Variants in CERS4 observed in about 807,000 individuals in gnomAD.
The protein encoded by CERS4 is LAG1 homolog, ceramide synthase 4.
CERS4 carries 65 observed loss-of-function variants against 51.8 expected under a neutral mutation model. The ratio of observed to expected loss-of-function variants is 1.26; its 90% CI spans 1.03 to 1.54. The LOEUF is 1.54. CERS4 is among the 40% of genes most tolerant of loss of function. The probability of loss-of-function intolerance (pLI) is 0.00; values close to 1 mark genes in which losing one functional copy is unlikely to be tolerated. For synonymous variants in CERS4, 228 were observed against 208.4 expected (o/e 1.09, Z -0.81); for missense variants, 563 against 500.4 (o/e 1.13, Z -1.19).
chr19:8,243,648 T>G, intron 2 of CERS4, among the ~76,000 whole-genome samples: 1 of 2,186 alleles, frequency 4.6e-4, no homozygotes, highest in South Asian at 0.045. Flanking sequence ...AGTCTCTTCC[T>G]TTTTTTTTTT....
chr19:8,246,844 T>C (rs573046067), intron 2 of CERS4, among the ~76,000 whole-genome samples: 1 of 152,142 alleles, frequency 6.6e-6, no homozygotes, highest in South Asian at 2.1e-4. Flanking sequence ...TTTCAACTTT[T>C]GTGTAGGTTT....
chr19:8,226,394 T>C (rs1967788803), intron 2 of CERS4, among the ~76,000 whole-genome samples: 1 of 152,152 alleles, frequency 6.6e-6, no homozygotes, highest in South Asian at 2.1e-4. Context: ...CAGAACAGTC[T>C]GGCTTTGCAC....
In CERS4 at chr19:8,257,093, G is replaced by T; in HGVS notation, c.741+16G>T. The T allele has an allele frequency of 6.3e-7, 1 of 1,577,364 alleles. No individual in the cohort carries two copies. The highest frequency in any genetic ancestry group is 8.6e-7 in the Non-Finnish European group (1 of 1,159,626). ...CCTGCTGGAGGTGGGCCCGACCCCT[G>T]CCTGACCCTTCCCAGCTGCTGTACC... On this transcript the variant is annotated intron_variant, in intron 9 of 11. Transcript: ENST00000251363.
rs1288593461 is a variant in CERS4, at chr19:8,256,174, C to T, written c.469-62C>T. On this transcript the variant is annotated intron_variant, in intron 6 of 11. Transcript: ENST00000251363. ...TGTGGAAGGAGAACCAAAGAGACCG[C>T]AGACCCAGGGTGGGAGGTTGGATTC... 5.2e-6 allele frequency: 8 copies of T among 1,537,584 alleles called. No homozygotes were observed. The Admixed American group carries it at 9.5e-5, about 18-fold the overall frequency.
At chr19:8,250,332 G>GC (rs1480786987) in intron 2 of CERS4, among the ~76,000 whole-genome samples, 2 of 152,160 alleles carry the variant, frequency 1.3e-5, no homozygotes, top group Non-Finnish European at 2.9e-5. Context: ...TACCATCTTG[G>GC]CATCAGTTAA....
At chr19:8,256,917 T>G in intron 8 of CERS4, 32 bp from the exon 9 acceptor site, 1 of 1,613,856 alleles carries the variant, frequency 6.2e-7, no homozygotes, top group Non-Finnish European at 8.5e-7. Flanking sequence ...GCATCAAGCC[T>G]CGTCCCCACT....
At chr19:8,215,705 A>G (rs1042232818) in intron 2 of CERS4, among the ~76,000 whole-genome samples, 6 of 152,096 alleles carry the variant, frequency 3.9e-5, no homozygotes, top group African/African-American at 1.4e-4. Flanking sequence ...CTGTTGAGCC[A>G]CGGCACTGTG....
At position 8,238,811 on chromosome 19, in the gene CERS4, C is replaced by T. The variant is rs149334027; in HGVS notation, c.-1-12265C>T. ...GGGGCATAGACATTAAGAAATTGCA[C>T]GCTGAGCCCGAGTGTGGTGGCTTGT... On this transcript the variant is annotated intron_variant, in intron 2 of 11. Coordinates refer to ENST00000251363, the MANE Select transcript of CERS4 (RefSeq NM_024552.3). Among the ~76,000 whole-genome samples the T allele has an allele frequency of 2.9e-3, 449 of 152,206 alleles. 2 individuals are homozygous for T. Among genetic ancestry groups the T allele is most frequent in the African/African-American group, 9.3e-3 (388 of 41,528 alleles).
At chr19:8,259,968 C>T (rs1231864291) in intron 10 of CERS4, among the ~76,000 whole-genome samples, 1 of 152,044 alleles carries the variant, frequency 6.6e-6, no homozygotes, top group African/African-American at 2.4e-5. Context: ...CCATGGCTCC[C>T]ACCTGTCTTG....
At chr19:8,253,449 CTTTTTTT>C (rs35212733) in intron 3 of CERS4, among the ~76,000 whole-genome samples, 14 of 74,056 alleles carry the variant, frequency 1.9e-4, no homozygotes, top group Non-Finnish European at 2.5e-4. Context: ...GTCCAGCTGC[CTTTTTTT>C]TTTTTTTTTT....
rs1270534410 is a variant in CERS4, at chr19:8,261,694, C to T, written c.855C>T (p.Leu285=). 4 of 1,614,120 alleles carry T rather than the reference C, an allele frequency of 2.5e-6. No individual in the cohort carries two copies. The highest frequency in any genetic ancestry group is 1.1e-5 in the South Asian group (1 of 91,082). ...TRLVLFPTQI[L]YTTYYESISN... is the part of the protein sequence containing the mutation. ...CCTCTCCCCCTGGCTGTAGGATCCT[C>T]TACACCACATACTACGAGTCCATCA... The change falls in exon 11 of 12, where the codon CTC becomes CTT. Residue 285 remains leucine, a synonymous_variant. Coordinates refer to ENST00000251363, the MANE Select transcript of CERS4 (RefSeq NM_024552.3).
intron 2 of CERS4, among the ~76,000 whole-genome samples, chr19:8,248,245 G>A (rs1205863645): frequency 6.6e-6 from 1 of 152,140 alleles, no homozygotes; most frequent in East Asian, 1.9e-4. Context: ...CCCCTGCTGT[G>A]TCGCCAAGGC....
chr19:8,230,428 G>C (rs1357178850), intron 2 of CERS4, among the ~76,000 whole-genome samples: 1 of 152,084 alleles, frequency 6.6e-6, no homozygotes, highest in Non-Finnish European at 1.5e-5. Flanking sequence ...GGACCCAAGT[G>C]ATCCGCCCAA....
chr19:8,251,266 C>T lies in CERS4; in HGVS notation c.173+17C>T. 1.9e-6 allele frequency: 3 copies of T among 1,567,996 alleles called. No homozygotes were observed. Among genetic ancestry groups the T allele is most frequent in the Non-Finnish European group, 1.7e-6 (2 of 1,158,068 alleles). ...CTTTGAGAGGTGAGTGTCTGCCCTG[C>T]CGCAATCCATTGCCCCCGCAGTCGC... On this transcript the variant is annotated intron_variant, in intron 3 of 11. Coordinates refer to ENST00000251363, the MANE Select transcript of CERS4 (RefSeq NM_024552.3).
intron 2 of CERS4, among the ~76,000 whole-genome samples, chr19:8,221,535 A>T (rs924056384): frequency 2.0e-5 from 3 of 150,592 alleles, no homozygotes; most frequent in Admixed American, 6.6e-5. Context: ...TGAGCCTTTT[A>T]ACTTTTTTTT....
At chr19:8,249,158 G>A (rs1193719515) in intron 2 of CERS4, among the ~76,000 whole-genome samples, 1 of 145,330 alleles carries the variant, frequency 6.9e-6, no homozygotes, top group Non-Finnish European at 1.5e-5. Context: ...TTGGATGGGT[G>A]GATGGATGAT....
At chr19:8,229,629 G>A (rs993571701) in intron 2 of CERS4, among the ~76,000 whole-genome samples, 5 of 151,978 alleles carry the variant, frequency 3.3e-5, no homozygotes, top group Non-Finnish European at 7.4e-5. Flanking sequence ...GGCTGGTCTC[G>A]AAATCCTGAC....
At chr19:8,256,181 A>T in intron 6 of CERS4, 55 bp from the exon 7 acceptor site, 1 of 1,559,918 alleles carries the variant, frequency 6.4e-7, no homozygotes, top group Non-Finnish European at 8.7e-7. Context: ...CCGCAGACCC[A>T]GGGTGGGAGG....
intron 2 of CERS4, among the ~76,000 whole-genome samples, chr19:8,220,310 CTCT>C (rs766903100): frequency 2.6e-5 from 4 of 151,874 alleles, no homozygotes; most frequent in Non-Finnish European, 4.4e-5. Context: ...GCCTCCCTCT[CTCT>C]TCTTTTCTGG....
Sources: gnomAD v4.1 joint callset for allele counts (sites outside exome capture counted in the v4.1 genomes callset) on GRCh38, gnomAD v4.1.1 for gene constraint, MANE v1.5 for transcripts, NCBI Gene and HGNC (gene_info 2026-07-23, HGNC 2026-07-21) for gene names.